The following DYNC1LI1 variants were observed in gnomAD, a reference collection of about 807,000 sequenced individuals.
DYNC1LI1 encodes the protein dynein cytoplasmic 1 light intermediate chain 1, also known as cytoplasmic dynein 1 light intermediate chain 1.
DYNC1LI1 carries 19 observed loss-of-function variants against 63.8 expected under a neutral mutation model. The observed-to-expected ratio is 0.30, with a 90% CI of 0.21 to 0.44. The LOEUF (loss-of-function observed/expected upper bound fraction) is 0.44, where lower values mean the gene tolerates loss of function less well. DYNC1LI1 is among the 20% of genes least tolerant of loss of function. DYNC1LI1 has a pLI of 1.00. For synonymous variants in DYNC1LI1, 225 were observed against 232.3 expected (o/e 0.97, Z 0.28); for missense variants, 565 against 630.2 (o/e 0.90, Z 1.11).
intron 2 of DYNC1LI1, among the ~76,000 whole-genome samples, chr3:32,552,023 A>T (rs1698049982): frequency 6.6e-6 from 1 of 152,086 alleles, no homozygotes; most frequent in Non-Finnish European, 1.5e-5. Flanking sequence ...TCCCATGAAT[A>T]CCTCACATTT....
intron 2 of DYNC1LI1, among the ~76,000 whole-genome samples, chr3:32,567,246 C>T (rs941607651): frequency 3.9e-5 from 6 of 152,174 alleles, no homozygotes. Flanking sequence ...CTCTACAATT[C>T]ATTACCCCAT....
At chr3:32,529,073 G>A (rs970298124) in intron 11 of DYNC1LI1, among the ~76,000 whole-genome samples, 5 of 152,160 alleles carry the variant, frequency 3.3e-5, no homozygotes, top group Non-Finnish European at 7.4e-5. Flanking sequence ...AGTATTTAAA[G>A]CATGTTAATT....
intron 5 of DYNC1LI1, among the ~76,000 whole-genome samples, chr3:32,540,121 A>G (rs1408613184): frequency 6.6e-6 from 1 of 150,754 alleles, no homozygotes; most frequent in East Asian, 2.0e-4. Flanking sequence ...CACCCGCCTC[A>G]GCCTCCCAAA....
Position 32,526,046 on chromosome 3 carries a change from T to C in DYNC1LI1, c.*753A>G, listed in dbSNP as rs1697611252. The C allele has an allele frequency of 6.6e-6, 1 of 151,874 alleles. No individual in the cohort carries two copies. Among genetic ancestry groups the C allele is most frequent in the African/African-American group, 2.4e-5 (1 of 40,950 alleles). The allele number at this position is 151,874 out of a possible 1,614,324, so 9.4% of individuals were successfully genotyped here. ...TGAAAGTCACAAACAAAAAAGGGGGTATATTAAGGCAAAGCCATATATATA... is the reference window on the plus strand; with the variant it reads ...TGAAAGTCACAAACAAAAAAGGGGGCATATTAAGGCAAAGCCATATATATA... On this transcript the variant is annotated 3_prime_UTR_variant, in exon 13 of 13. Transcript: ENST00000273130.
intron 2 of DYNC1LI1, among the ~76,000 whole-genome samples, chr3:32,556,212 A>G (rs1349880307): frequency 6.6e-6 from 1 of 152,116 alleles, no homozygotes; most frequent in African/African-American, 2.4e-5. Flanking sequence ...GGAGAACGCT[A>G]TCTTCTTCTG....
intron 2 of DYNC1LI1, among the ~76,000 whole-genome samples, chr3:32,552,408 C>T (rs1445824863): frequency 6.6e-6 from 1 of 151,968 alleles, no homozygotes; most frequent in Non-Finnish European, 1.5e-5. Flanking sequence ...GCATTCCTTC[C>T]ACTTAGCCTC....
chr3:32,549,209 C>T (rs992632697), intron 2 of DYNC1LI1, among the ~76,000 whole-genome samples: 26 of 151,062 alleles, frequency 1.7e-4, no homozygotes, highest in Admixed American at 3.3e-4. Context: ...ATAGTTTCTA[C>T]GGCATTTAAT....
intron 2 of DYNC1LI1, among the ~76,000 whole-genome samples, chr3:32,561,679 T>C (rs144025055): frequency 1.2e-3 from 178 of 151,822 alleles, no homozygotes; most frequent in African/African-American, 4.0e-3. Flanking sequence ...CTGACAATAC[T>C]TATGTAGAAA....
intron 2 of DYNC1LI1, among the ~76,000 whole-genome samples, chr3:32,559,452 T>C (rs1379881886): frequency 6.6e-6 from 1 of 152,130 alleles, no homozygotes; most frequent in South Asian, 2.1e-4. Flanking sequence ...CTGCCCAGGA[T>C]GGTCTCAAAG....
intron 2 of DYNC1LI1, among the ~76,000 whole-genome samples, chr3:32,559,393 C>T (rs892169162): frequency 6.6e-6 from 1 of 152,078 alleles, no homozygotes; most frequent in African/African-American, 2.4e-5. Flanking sequence ...GGTGCATCCA[C>T]CATGCCTGGT....
Position 32,570,714 on chromosome 3 carries a change from C to A in DYNC1LI1, c.57G>T (p.Ser19=). The change falls in exon 1 of 13, where the codon TCG becomes TCT. Residue 19 remains serine (S), a synonymous_variant. Transcript: ENST00000273130. The part of the protein sequence containing the change: ...SFGSSPPGLS[S]TYTGGPLGNE... ...TGCCCAAGGGGCCGCCAGTGTAAGT[C>A]GAGGATAATCCCGGCGGAGAAGAAC... is the stretch of plus-strand genomic sequence containing the variant. 4 of 1,609,318 alleles carry A rather than the reference C, an allele frequency of 2.5e-6. No individual in the cohort carries two copies. The highest frequency in any genetic ancestry group is 3.4e-6 in the Non-Finnish European group (4 of 1,177,836).
chr3:32,566,780 A>G (rs1301260694), intron 2 of DYNC1LI1: 9 of 410,838 alleles, frequency 2.2e-5, no homozygotes, highest in South Asian at 1.3e-4. Context: ...AATATAATCA[A>G]TTGTATTAAA....
At chr3:32,553,074 C>T (rs1698066397) in intron 2 of DYNC1LI1, among the ~76,000 whole-genome samples, 1 of 152,144 alleles carries the variant, frequency 6.6e-6, no homozygotes, top group Non-Finnish European at 1.5e-5. Flanking sequence ...ATCAGCAGGG[C>T]ATGGACCTCA....
At chr3:32,567,790 G>A (rs918852972) in intron 2 of DYNC1LI1, among the ~76,000 whole-genome samples, 5 of 143,832 alleles carry the variant, frequency 3.5e-5, no homozygotes, top group East Asian at 2.2e-4. Flanking sequence ...TGCAACCTCC[G>A]CCTCCCGGGC....
rs114157675 is a variant in DYNC1LI1 at position 32,561,854 on chromosome 3, A to G, written c.220+8492T>C. 6.2e-3 allele frequency among the ~76,000 whole-genome samples: 945 copies of G among 152,072 alleles called. 7 individuals are homozygous for G. The highest frequency in any genetic ancestry group is 0.022 in the African/African-American group (895 of 41,476). ...AATAAACAAAGCCGTATCTATTAAC[A>G]TGAAAAAAAAAACCCGTGTTACACG... On this transcript the variant is annotated intron_variant, in intron 2 of 12. Coordinates refer to ENST00000273130, the MANE Select transcript of DYNC1LI1 (RefSeq NM_016141.4).
intron 2 of DYNC1LI1, among the ~76,000 whole-genome samples, chr3:32,553,725 A>C (rs1037370069): frequency 6.6e-6 from 1 of 152,184 alleles, no homozygotes; most frequent in Non-Finnish European, 1.5e-5. Context: ...TGTAACTAAC[A>C]CAACAACTCT....
intron 5 of DYNC1LI1, among the ~76,000 whole-genome samples, chr3:32,538,891 T>C (rs1192476394): frequency 6.6e-6 from 1 of 152,132 alleles, no homozygotes; most frequent in Admixed American, 6.5e-5. Flanking sequence ...ATTTTAAAAG[T>C]TCATAAACTG....
At position 32,543,198 on chromosome 3, in the gene DYNC1LI1, A is replaced by G. The variant is rs566759422; in HGVS notation, c.568+1678T>C. Among the ~76,000 whole-genome samples, 7 of 152,272 alleles carry G rather than the reference A, an allele frequency of 4.6e-5. No individual in the cohort carries two copies. The South Asian group carries it at 1.0e-3, about 23-fold the overall frequency. Reference sequence around the variant, plus strand: ...ATAAATCTAGACTTAGGGAAGAACAATAACAACAAAAACTCCACAGGCAAT... The same window carrying G: ...ATAAATCTAGACTTAGGGAAGAACAGTAACAACAAAAACTCCACAGGCAAT... On this transcript the variant is annotated intron_variant, in intron 4 of 12. Transcript: ENST00000273130.
intron 2 of DYNC1LI1, among the ~76,000 whole-genome samples, chr3:32,551,748 G>C (rs1698045523): frequency 6.6e-6 from 1 of 152,186 alleles, no homozygotes; most frequent in Non-Finnish European, 1.5e-5. Flanking sequence ...AAGACTGCCT[G>C]GCTATAACTT....
Sources: allele counts gnomAD v4.1 joint callset (sites outside exome capture counted in the v4.1 genomes callset), GRCh38; gene constraint gnomAD v4.1.1; transcripts MANE v1.5; gene names NCBI Gene and HGNC (gene_info 2026-07-23, HGNC 2026-07-21).